EPHB4: variants seen among roughly 807,000 people sequenced by gnomAD.
EPHB4 encodes EPH receptor B4, also known as ephrin type-B receptor 4.
A neutral mutation model predicts 110.6 loss-of-function variants in EPHB4; 50 were observed. The ratio of observed to expected loss-of-function variants is 0.45; its 90% CI spans 0.36 to 0.57. EPHB4 has a LOEUF of 0.57. EPHB4 is among the 20% of genes least tolerant of loss of function. The pLI is 0.00. For missense variants in EPHB4, 1,128 were observed against 1,382.1 expected, an observed-to-expected ratio of 0.82 and a Z score of 2.91; for synonymous variants, 592 against 578.4, an observed-to-expected ratio of 1.02 and a Z score of -0.34.
intron 3 of EPHB4, 93 bp downstream of exon 3, chr7:100,823,551 G>A: frequency 1.3e-6 from 2 of 1,506,594 alleles, no homozygotes; most frequent in Non-Finnish European, 1.8e-6. Context: ...CGGGCCAGAG[G>A]CCTCGCAACT....
chr7:100,822,238 A>G lies in EPHB4; in HGVS notation c.808+33T>C, dbSNP rs767647682. The G allele has an allele frequency of 1.9e-6, 3 of 1,541,128 alleles. No individual in the cohort carries two copies. In the Admixed American group the frequency reaches 5.9e-5, roughly 30 times the overall value. The stretch of plus-strand genomic sequence containing the variant: ...GGAGTTCAGGACTCTCCCCCGGATG[A>G]GCAGCAGTCGCAGGGGAAGCTCCAG... On this transcript the variant is annotated intron_variant, in intron 4 of 16. Coordinates refer to ENST00000358173, the MANE Select transcript of EPHB4 (RefSeq NM_004444.5). The surrounding 1 kb of genome is among the most constrained non-coding windows in gnomAD (Gnocchi z 4.7).
rs117572780 is a variant in EPHB4, at chr7:100,824,550, G to A, written c.53-277C>T. ...AGGAGGGAGGGAGATCAAAATGTACGGGGAGAAGGGGCGGCAGCTCAGAAA... is the reference window on the plus strand; with the variant it reads ...AGGAGGGAGGGAGATCAAAATGTACAGGGAGAAGGGGCGGCAGCTCAGAAA... On this transcript the variant is annotated intron_variant, in intron 1 of 16. Transcript: ENST00000358173. 4.4e-3 allele frequency: 1,918 copies of A among 433,040 alleles called. 78 individuals carry two copies. The East Asian group carries it at 0.076, about 17-fold the overall frequency. 26.8% of individuals were successfully genotyped at this position (433,040 alleles called of 1,614,324 possible). A position where few individuals can be genotyped will look rare whatever the true frequency, so the allele number is the denominator to read the frequency against.
rs866832888 is a variant in EPHB4, at chr7:100,803,374, G to A, written c.*87C>T. ...CACGGGCTCAAAGTGCAATCCAGCG[G>A]GGCACAGGGCTGGGGGCCTCTGTGA... On this transcript the variant is annotated 3_prime_UTR_variant, in exon 17 of 17. Coordinates refer to ENST00000358173, the MANE Select transcript of EPHB4 (RefSeq NM_004444.5). The A allele has an allele frequency of 7.4e-7, 1 of 1,347,854 alleles. No individual in the cohort carries two copies. Among genetic ancestry groups the A allele is most frequent in the South Asian group, 2.0e-5 (1 of 49,162 alleles). The allele number at this position is 1,347,854 out of a possible 1,614,324, so 83.5% of individuals were successfully genotyped here.
chr7:100,804,964 G>A (rs929089491), intron 16 of EPHB4, among the ~76,000 whole-genome samples: 2 of 152,224 alleles, frequency 1.3e-5, no homozygotes, highest in African/African-American at 4.8e-5. Flanking sequence ...AGGCGGGCAG[G>A]CTGGCCCCAA....
At position 100,820,166 on chromosome 7, in the gene EPHB4, T is replaced by C; in HGVS notation, c.939A>G (p.Thr313=). The C allele has an allele frequency of 1.2e-6, 2 of 1,614,050 alleles. No homozygotes were observed. Among genetic ancestry groups the C allele is most frequent in the Middle Eastern group, 1.7e-4 (1 of 6,060 alleles). ...QCRVGYFRAR[T]DPRGAPCTTP... is the part of the protein sequence containing the mutation. ...TGGTGCAGGGTGCACCCCGGGGGTC[T>C]GTGCGTGCCCGGAAGTACCCGACGC... The change falls in exon 5 of 17, where the codon ACA becomes ACG. Residue 313 remains threonine, a synonymous_variant. Transcript: ENST00000358173.
Position 100,822,302 on chromosome 7 carries a change from G to A in EPHB4, c.777C>T (p.Phe259=), listed in dbSNP as rs763357193. 4.5e-5 allele frequency: 71 copies of A among 1,565,378 alleles called. No homozygotes were observed. The highest frequency in any genetic ancestry group is 1.5e-4 in the Admixed American group (8 of 54,870). The change falls in exon 4 of 17, where the codon TTC becomes TTT. Residue 259 remains phenylalanine (F), a synonymous_variant. Transcript: ENST00000358173. The surrounding 1 kb of genome is among the most constrained non-coding windows in gnomAD (Gnocchi z 4.7). ...PVTGCSCAPG[F]EAAEGNTKCR... ...ACTTGGTGTTCCCCTCAGCTGCCTC[G>A]AACCCCGGAGCACAGCTGCAGCCCG...
At chr7:100,806,092 G>C in intron 14 of EPHB4, 14 of 247,642 alleles carry the variant, frequency 5.7e-5, no homozygotes, top group Admixed American at 2.1e-4. Context: ...CTGAGTAGCT[G>C]GGATTACAGG....
At chr7:100,818,114 A>G (rs1167750955) in intron 7 of EPHB4, among the ~76,000 whole-genome samples, 1 of 151,654 alleles carries the variant, frequency 6.6e-6, no homozygotes, top group East Asian at 2.0e-4. Context: ...TGATCCGCCC[A>G]CCTCGGCCTC....
intron 12 of EPHB4, among the ~76,000 whole-genome samples, chr7:100,807,895 C>A (rs914755454): frequency 9.9e-5 from 15 of 152,166 alleles, no homozygotes; most frequent in African/African-American, 3.4e-4. Flanking sequence ...TCCCAAAGCA[C>A]TGGGATTACA....
intron 10 of EPHB4, 182 bp downstream of exon 10, chr7:100,813,470 C>G: frequency 1.4e-6 from 1 of 722,988 alleles, no homozygotes; most frequent in Non-Finnish European, 2.3e-6. Flanking sequence ...TGCCCACCAC[C>G]ATGCCTGGCT....
At chr7:100,811,382 T>C (rs957152202) in intron 12 of EPHB4, among the ~76,000 whole-genome samples, 4 of 152,196 alleles carry the variant, frequency 2.6e-5, no homozygotes, top group African/African-American at 4.8e-5. Context: ...CGTTTGCTTT[T>C]TTTCACATTT....
intron 1 of EPHB4, chr7:100,824,554 A>G: frequency 2.3e-6 from 1 of 429,518 alleles, no homozygotes; most frequent in Non-Finnish European, 4.3e-6. Flanking sequence ...ATGTACGGGG[A>G]GAAGGGGCGG....
Position 100,827,133 on chromosome 7 carries a change from A to G in EPHB4, c.-103T>C. The G allele has an allele frequency of 7.7e-7, 1 of 1,304,978 alleles. No individual in the cohort carries two copies. Among genetic ancestry groups the G allele is most frequent in the Non-Finnish European group, 1.0e-6 (1 of 960,682 alleles). The allele number at this position is 1,304,978 out of a possible 1,614,324, so 80.8% of individuals were successfully genotyped here. A position where few individuals can be genotyped will look rare whatever the true frequency, so the allele number is the denominator to read the frequency against. ...GGTGGACGCCGATACTCCGCGCGGG[A>G]CTCCTCGTCGGGGCCCTCAGCGCGG... On this transcript the variant is annotated 5_prime_UTR_variant, in exon 1 of 17. Transcript: ENST00000358173.
chr7:100,822,727 G>A lies in EPHB4; in HGVS notation c.412-60C>T. ...CCACTCCCTGAGGACCCAGCGGACT[G>A]TTGTGTTCTTCCCAGCTCACCCTCC... is the stretch of plus-strand genomic sequence containing the variant. On this transcript the variant is annotated intron_variant, in intron 3 of 16. Coordinates refer to ENST00000358173, the MANE Select transcript of EPHB4 (RefSeq NM_004444.5). This position sits in a 1 kb window ranked among gnomAD's most constrained non-coding sequence, Gnocchi z 4.7. 6 of 1,452,862 alleles carry A rather than the reference G, an allele frequency of 4.1e-6. No homozygotes were observed. Among genetic ancestry groups the A allele is most frequent in the South Asian group, 1.4e-5 (1 of 69,884 alleles). 90.0% of individuals were successfully genotyped at this position (1,452,862 alleles called of 1,614,324 possible).
intron 7 of EPHB4, 51 bp from the exon 8 acceptor site, chr7:100,817,408 G>A (rs1448340102): frequency 3.4e-6 from 5 of 1,490,624 alleles, no homozygotes; most frequent in Non-Finnish European, 4.4e-6. Context: ...CCAAGTTCCT[G>A]TTGCTCTTCC....
In EPHB4 at chr7:100,822,715, AC is replaced by A. The variant is rs1813268542; in HGVS notation, c.412-49del. 1 of 1,471,206 alleles carries A rather than the reference AC, an allele frequency of 6.8e-7. No individual in the cohort carries two copies. Among genetic ancestry groups the A allele is most frequent in the South Asian group, 1.4e-5 (1 of 72,926 alleles). The allele number at this position is 1,471,206 out of a possible 1,614,324, so 91.1% of individuals were successfully genotyped here. A position where few individuals can be genotyped will look rare whatever the true frequency, so the allele number is the denominator to read the frequency against. ...CCGCTGCTGTCCCCACTCCCTGAGG[AC>A]CCAGCGGACTGTTGTGTTCTTCCCA... On this transcript the variant is annotated intron_variant, in intron 3 of 16. Coordinates refer to ENST00000358173, the MANE Select transcript of EPHB4 (RefSeq NM_004444.5). The surrounding 1 kb of genome is among the most constrained non-coding windows in gnomAD (Gnocchi z 4.7).
chr7:100,824,044 G>A lies in EPHB4; in HGVS notation c.124-113C>T, dbSNP rs899074532. On this transcript the variant is annotated intron_variant, in intron 2 of 16. Transcript: ENST00000358173. ...GAGAAAGGGGGGCTGCTGGTACTGC[G>A]AGGAGGGCGCCTCTGAGAAGGGCTC... 5.4e-5 allele frequency: 82 copies of A among 1,514,334 alleles called. No homozygotes were observed. The Admixed American group carries it at 5.9e-4, about 11-fold the overall frequency. The allele number at this position is 1,514,334 out of a possible 1,614,324, so 93.8% of individuals were successfully genotyped here.
intron 16 of EPHB4, among the ~76,000 whole-genome samples, chr7:100,804,917 G>T (rs1213610340): frequency 6.6e-6 from 1 of 152,236 alleles, no homozygotes; most frequent in Non-Finnish European, 1.5e-5. Context: ...AGAGGCGGAA[G>T]CGCGATGGCC....
rs139196073 is a variant in EPHB4 at position 100,803,561 on chromosome 7, G to A, written c.2864C>T (p.Ala955Val). Residue 955 changes from alanine to valine, a missense_variant, in exon 17 of 17, where the codon GCG becomes GTG. By Grantham distance (64) the Ala-to-Val change is moderately conservative. Coordinates refer to ENST00000358173, the MANE Select transcript of EPHB4 (RefSeq NM_004444.5). Reference protein sequence around the residue: ...EDLLRIGVTLAGHQKKILASV... With the variant: ...EDLLRIGVTLVGHQKKILASV... ...GGCCAAGATTTTCTTCTGGTGTCCC[G>A]CCAGAGTGACTCCGATTCGGAGCAG... 242 of 1,605,204 alleles carry A rather than the reference G, an allele frequency of 1.5e-4. No homozygotes were observed. In the African/African-American group the frequency reaches 2.9e-3, roughly 19 times the overall value.
Sources: gnomAD v4.1 joint callset for allele counts (sites outside exome capture counted in the v4.1 genomes callset) on GRCh38, gnomAD v4.1.1 for gene constraint, Gnocchi (gnomAD v3.1) non-coding constraint, MANE v1.5 for transcripts, NCBI Gene and HGNC (gene_info 2026-07-23, HGNC 2026-07-21) for gene names.